ADAMTS6: variants seen among roughly 807,000 people sequenced by gnomAD.
ADAMTS6 encodes A disintegrin and metalloproteinase with thrombospondin motifs 6.
ADAMTS6 carries 23 observed loss-of-function variants against 144.3 expected under a neutral mutation model. The ratio of observed to expected loss-of-function variants is 0.16; its 90% CI spans 0.11 to 0.23. The LOEUF (loss-of-function observed/expected upper bound fraction) is 0.23, where lower values mean the gene tolerates loss of function less well. Among genes scored for constraint, ADAMTS6 ranks in the 10% least tolerant of loss-of-function variants. The pLI, the probability that ADAMTS6 is intolerant of heterozygous loss-of-function variation, is 1.00. For synonymous variants in ADAMTS6, 444 were observed against 457.5 expected (o/e 0.97, Z 0.38); for missense variants, 999 against 1,379.6 (o/e 0.72, Z 4.37).
intron 9 of ADAMTS6, among the ~76,000 whole-genome samples, chr5:65,303,681 T>A (rs1743657625): frequency 6.6e-6 from 1 of 151,782 alleles, no homozygotes; most frequent in African/African-American, 2.4e-5. Flanking sequence ...TTAGGATATA[T>A]TAAAATATAC....
rs1216563346 is a variant in ADAMTS6 at position 65,399,030 on chromosome 5, A to T, written c.1073+52445T>A. ...CCCAGCACTTGGGAGGCCGAGGTGG[A>T]TGGATCGTCCGAGGTCAGGAGTTCG... On this transcript the variant is annotated intron_variant, in intron 7 of 24. Transcript: ENST00000381055. Among the ~76,000 whole-genome samples, 5 of 151,568 alleles carry T rather than the reference A, an allele frequency of 3.3e-5. No homozygotes were observed. The East Asian group carries it at 9.8e-4, about 30-fold the overall frequency.
chr5:65,314,353 T>C (rs1744783738), intron 9 of ADAMTS6, among the ~76,000 whole-genome samples: 1 of 151,626 alleles, frequency 6.6e-6, no homozygotes, highest in Admixed American at 6.6e-5. Flanking sequence ...CGCGCACACA[T>C]CCACACCCAC....
chr5:65,361,893 C>A (rs1580491787), intron 7 of ADAMTS6, among the ~76,000 whole-genome samples: 1 of 152,092 alleles, frequency 6.6e-6, no homozygotes, highest in South Asian at 2.1e-4. Context: ...GGCCATCATG[C>A]CAGGCTAATT....
chr5:65,362,113 C>G lies in ADAMTS6; in HGVS notation c.1074-28028G>C, dbSNP rs190663994. Among the ~76,000 whole-genome samples, 356 of 152,298 alleles carry G rather than the reference C, an allele frequency of 2.3e-3. 1 individual carries two copies. The highest frequency in any genetic ancestry group is 8.2e-3 in the African/African-American group (341 of 41,572). Reference sequence around the variant, plus strand: ...TGGTAGTATACCTGAAGGAATCATTCTGGTAGATTTTTGAAAGGGCTTATC... The same window carrying G: ...TGGTAGTATACCTGAAGGAATCATTGTGGTAGATTTTTGAAAGGGCTTATC... On this transcript the variant is annotated intron_variant, in intron 7 of 24. Transcript: ENST00000381055.
rs544559369 is a variant in ADAMTS6, at chr5:65,408,409, C to T, written c.1073+43066G>A. ...GATCAAAAGAGACAAAGAAGGCCATCACATAATGGTAAAGGGATCAATTCA... is the reference window on the plus strand; with the variant it reads ...GATCAAAAGAGACAAAGAAGGCCATTACATAATGGTAAAGGGATCAATTCA... On this transcript the variant is annotated intron_variant, in intron 7 of 24. Coordinates refer to ENST00000381055, the MANE Select transcript of ADAMTS6 (RefSeq NM_197941.4). Among the ~76,000 whole-genome samples the T allele has an allele frequency of 3.8e-4, 58 of 152,066 alleles. 1 individual carries two copies. The highest frequency in any genetic ancestry group is 6.6e-4 in the Non-Finnish European group (45 of 67,944).
chr5:65,326,313 T>C lies in ADAMTS6; in HGVS notation c.1223+3065A>G, dbSNP rs113120898. 3.5e-3 allele frequency among the ~76,000 whole-genome samples: 527 copies of C among 152,350 alleles called. 7 individuals are homozygous for C. The highest frequency in any genetic ancestry group is 0.012 in the African/African-American group (507 of 41,592). The stretch of plus-strand genomic sequence containing the variant: ...TTCTTTCCTATAAGGTTTCATTAAG[T>C]GCCTTTGGCTTATAGCCTATATTAA... On this transcript the variant is annotated intron_variant, in intron 9 of 24. Transcript: ENST00000381055.
At chr5:65,409,083 A>C (rs933270323) in intron 7 of ADAMTS6, among the ~76,000 whole-genome samples, 2 of 152,212 alleles carry the variant, frequency 1.3e-5, no homozygotes, top group African/African-American at 4.8e-5. Context: ...CATCACGATT[A>C]AAAGAACTAG....
intron 7 of ADAMTS6, among the ~76,000 whole-genome samples, chr5:65,334,784 C>T (rs1399435732): frequency 6.6e-6 from 1 of 151,992 alleles, no homozygotes; most frequent in African/African-American, 2.4e-5. Context: ...CATAATGTTG[C>T]ATATTTTAAA....
At chr5:65,400,874 T>C (rs1041481395) in intron 7 of ADAMTS6, among the ~76,000 whole-genome samples, 2 of 152,234 alleles carry the variant, frequency 1.3e-5, no homozygotes, top group East Asian at 3.8e-4. Flanking sequence ...TTACAGCGTT[T>C]TTGATCTCTA....
At chr5:65,215,142 C>T (rs896268374) in intron 19 of ADAMTS6, among the ~76,000 whole-genome samples, 182 bp downstream of exon 19, 2 of 152,170 alleles carry the variant, frequency 1.3e-5, no homozygotes, top group Non-Finnish European at 2.9e-5. Flanking sequence ...TATAAAAATA[C>T]TATTCAAGCA....
At chr5:65,159,063 T>TG (rs1240876878) in intron 24 of ADAMTS6, among the ~76,000 whole-genome samples, 7 of 152,342 alleles carry the variant, frequency 4.6e-5, no homozygotes, top group African/African-American at 1.7e-4. Context: ...ATCTGAAATG[T>TG]GGGAGTCATC....
chr5:65,266,315 T>G (rs1292317328), intron 12 of ADAMTS6, among the ~76,000 whole-genome samples: 1 of 151,954 alleles, frequency 6.6e-6, no homozygotes, highest in East Asian at 1.9e-4. Flanking sequence ...TAGTATTTCA[T>G]AAATGGTTTG....
At chr5:65,280,520 T>C (rs904795566) in intron 11 of ADAMTS6, among the ~76,000 whole-genome samples, 1 of 152,166 alleles carries the variant, frequency 6.6e-6, no homozygotes, top group Non-Finnish European at 1.5e-5. Flanking sequence ...ATAGACTATA[T>C]CTTTAAATAT....
At chr5:65,245,423 T>A (rs1232426953) in intron 14 of ADAMTS6, among the ~76,000 whole-genome samples, 1 of 152,172 alleles carries the variant, frequency 6.6e-6, no homozygotes, top group Admixed American at 6.5e-5. Context: ...TTCTACCCTA[T>A]GATTCCAGCT....
At chr5:65,299,031 C>G (rs1266971023) in intron 10 of ADAMTS6, among the ~76,000 whole-genome samples, 1 of 152,010 alleles carries the variant, frequency 6.6e-6, no homozygotes, top group Non-Finnish European at 1.5e-5. Context: ...CTGGCCTGTG[C>G]TTTATGTATA....
intron 9 of ADAMTS6, among the ~76,000 whole-genome samples, chr5:65,302,427 A>T (rs1743532471): frequency 1.3e-5 from 2 of 150,238 alleles, no homozygotes; most frequent in South Asian, 4.2e-4. Context: ...ATGTGCATAT[A>T]CACATATTAG....
intron 7 of ADAMTS6, among the ~76,000 whole-genome samples, chr5:65,356,493 A>G (rs1749337343): frequency 6.6e-6 from 1 of 151,920 alleles, no homozygotes; most frequent in South Asian, 2.1e-4. Flanking sequence ...TAAGAATGGA[A>G]GGCATGCAAT....
chr5:65,197,284 T>A, intron 20 of ADAMTS6, 133 bp from the exon 21 acceptor site: 2 of 777,516 alleles, frequency 2.6e-6, no homozygotes, highest in Non-Finnish European at 3.6e-6. Context: ...TTGGACTGCT[T>A]CTCTAAAATG....
At chr5:65,282,455 T>C (rs1011539654) in intron 11 of ADAMTS6, among the ~76,000 whole-genome samples, 2 of 152,080 alleles carry the variant, frequency 1.3e-5, no homozygotes, top group Non-Finnish European at 2.9e-5. Context: ...TGTTTCTTAT[T>C]AGACTTAAAA....
Sources: gnomAD v4.1 joint callset for allele counts (sites outside exome capture counted in the v4.1 genomes callset) on GRCh38, gnomAD v4.1.1 for gene constraint, MANE v1.5 for transcripts, NCBI Gene and HGNC (gene_info 2026-07-23, HGNC 2026-07-21) for gene names.